CEACAM18: variants seen among roughly 807,000 people sequenced by gnomAD.
CEACAM18 encodes cell adhesion molecule CEACAM18.
In CEACAM18, 33 loss-of-function variants were observed where a neutral mutation model predicts 34.3. That is an observed-to-expected ratio of 0.96 (90% confidence interval 0.73 to 1.29). The LOEUF is 1.29. CEACAM18 is among the 50% of genes most tolerant of loss of function. CEACAM18 has a pLI of 0.00. For synonymous variants in CEACAM18, 169 were observed against 180.9 expected, an observed-to-expected ratio of 0.93 and a Z score of 0.53; for missense variants, 474 against 485.0, an observed-to-expected ratio of 0.98 and a Z score of 0.21.
intron 4 of CEACAM18, 95 bp downstream of exon 4, chr19:51,483,391 G>A (rs1477034272): frequency 7.6e-6 from 11 of 1,442,810 alleles, no homozygotes; most frequent in Non-Finnish European, 9.7e-6. Flanking sequence ...CACCTCCACT[G>A]TGCCATGACA....
rs114380202 is a variant in CEACAM18 at position 51,484,656 on chromosome 19, A to G, written c.954-331A>G. Among the ~76,000 whole-genome samples, 1,385 of 152,290 alleles carry G rather than the reference A, an allele frequency of 9.1e-3. 20 individuals carry two copies. Among genetic ancestry groups the G allele is most frequent in the African/African-American group, 0.031 (1,267 of 41,540 alleles). ...GTGCTCAGTGAACATTTATGCAATGAGTTAATGACCCTGTGTCACACACCC... is the reference window on the plus strand; with the variant it reads ...GTGCTCAGTGAACATTTATGCAATGGGTTAATGACCCTGTGTCACACACCC... On this transcript the variant is annotated intron_variant, in intron 4 of 5. Coordinates refer to ENST00000396477, the Ensembl canonical transcript of CEACAM18.
intron 5 of CEACAM18, among the ~76,000 whole-genome samples, chr19:51,486,871 C>T (rs1360716845): frequency 6.6e-6 from 1 of 151,190 alleles, no homozygotes; most frequent in Non-Finnish European, 1.5e-5. Context: ...GCGCCCGCCA[C>T]CACACCTGGC....
chr19:51,487,429 G>A (rs62115080), intron 5 of CEACAM18, among the ~76,000 whole-genome samples: 11,489 of 152,094 alleles, frequency 0.076, 512 homozygotes, highest in African/African-American at 0.12. Flanking sequence ...AGCCGAGATC[G>A]TGCCACTGCA....
chr19:51,485,238 A>C (rs1699558358), intron 5 of CEACAM18, 116 bp downstream of exon 5: 1 of 1,061,862 alleles, frequency 9.4e-7, no homozygotes, highest in African/African-American at 1.6e-5. Context: ...GCCAGGAACT[A>C]GGTTGTCAGG....
intron 3 of CEACAM18, 124 bp downstream of exon 3, chr19:51,481,789 C>T (rs1228226737): frequency 5.9e-6 from 6 of 1,008,426 alleles, no homozygotes; most frequent in Admixed American, 5.8e-5. Flanking sequence ...GCAGCCAGCT[C>T]ACTCTGGATT....
At chr19:51,489,411 C>T (rs1990053411) in intron 5 of CEACAM18, among the ~76,000 whole-genome samples, 1 of 151,814 alleles carries the variant, frequency 6.6e-6, no homozygotes, top group Non-Finnish European at 1.5e-5. Context: ...CCTGGAGTTA[C>T]TCATATTTTA....
chr19:51,487,944 C>T (rs1990032432), intron 5 of CEACAM18, among the ~76,000 whole-genome samples: 1 of 152,178 alleles, frequency 6.6e-6, no homozygotes, highest in East Asian at 1.9e-4. Context: ...TGAGATTGGA[C>T]GGTGCCAATA....
chr19:51,480,770 G>A (rs979736893), intron 2 of CEACAM18, 90 bp downstream of exon 2: 12 of 1,222,514 alleles, frequency 9.8e-6, no homozygotes, highest in East Asian at 4.8e-5. Flanking sequence ...GCATGACACC[G>A]GGAGTGGAAA....
intron 4 of CEACAM18, 136 bp from the exon 5 acceptor site, chr19:51,484,851 G>C (rs1027384357): frequency 1.8e-6 from 2 of 1,114,518 alleles, no homozygotes; most frequent in Non-Finnish European, 2.6e-6. Context: ...TGAATCCCTC[G>C]TACCTGGAAC....
At chr19:51,489,283 T>C (rs968028960) in intron 5 of CEACAM18, among the ~76,000 whole-genome samples, 1 of 151,486 alleles carries the variant, frequency 6.6e-6, no homozygotes, top group Non-Finnish European at 1.5e-5. Flanking sequence ...CTGGCTTTAT[T>C]CTTGGGCCTC....
At chr19:51,479,357 C>G (rs1352426362) in intron 1 of CEACAM18, among the ~76,000 whole-genome samples, 1 of 152,172 alleles carries the variant, frequency 6.6e-6, no homozygotes, top group Non-Finnish European at 1.5e-5. Context: ...CACACCCACT[C>G]CAGTGAATTT....
intron 4 of CEACAM18, among the ~76,000 whole-genome samples, chr19:51,483,508 C>A (rs1191698012): frequency 6.6e-6 from 1 of 152,202 alleles, no homozygotes; most frequent in East Asian, 1.9e-4. Context: ...GGGTGACTCC[C>A]AGGGGGATAA....
At chr19:51,478,545 G>T (rs201244522), upstream of CEACAM18, 3 of 1,113,790 alleles carry the variant, frequency 2.7e-6, no homozygotes, top group East Asian at 5.3e-5. Context: ...AGACGAGACC[G>T]GCAGCCTCTG....
chr19:51,482,511 G>A (rs1989933454), intron 3 of CEACAM18, among the ~76,000 whole-genome samples: 1 of 152,192 alleles, frequency 6.6e-6, no homozygotes, highest in Non-Finnish European at 1.5e-5. Flanking sequence ...CTGTTTACAG[G>A]TCAGAGGCTT....
intron 5 of CEACAM18, among the ~76,000 whole-genome samples, chr19:51,487,355 G>A (rs984799233): frequency 1.3e-5 from 2 of 151,986 alleles, no homozygotes; most frequent in Admixed American, 1.3e-4. Context: ...TGCTTCTGGA[G>A]TTCCAGCTAC....
chr19:51,489,332 C>G (rs1324625944), intron 5 of CEACAM18, among the ~76,000 whole-genome samples: 2 of 151,676 alleles, frequency 1.3e-5, no homozygotes, highest in Non-Finnish European at 2.9e-5. Context: ...TCCCTGCCCC[C>G]AGTAATATCA....
chr19:51,488,958 T>C (rs1599946699), intron 5 of CEACAM18, among the ~76,000 whole-genome samples: 2 of 152,088 alleles, frequency 1.3e-5, no homozygotes, highest in East Asian at 1.9e-4. Flanking sequence ...TTTTTCCTTC[T>C]GATTTTAGAA....
chr19:51,484,394 C>A (rs1027010102), intron 4 of CEACAM18, among the ~76,000 whole-genome samples: 1 of 151,574 alleles, frequency 6.6e-6, no homozygotes, highest in Non-Finnish European at 1.5e-5. Context: ...CTCACTGCAA[C>A]CTGCACCTCC....
At chr19:51,480,766 C>A in intron 2 of CEACAM18, 86 bp downstream of exon 2, 2 of 1,242,150 alleles carry the variant, frequency 1.6e-6, no homozygotes, top group Non-Finnish European at 2.2e-6. Context: ...CAGAGCATGA[C>A]ACCGGGAGTG....
Sources: gnomAD v4.1 joint callset for allele counts (sites outside exome capture counted in the v4.1 genomes callset) on GRCh38, gnomAD v4.1.1 for gene constraint, MANE v1.5 for transcripts, NCBI Gene and HGNC (gene_info 2026-07-23, HGNC 2026-07-21) for gene names.